The following RASEF variants were observed in gnomAD, a reference collection of about 807,000 sequenced individuals.
RASEF encodes the protein ras and EF-hand domain-containing protein.
In RASEF, 68 loss-of-function variants were observed where a neutral mutation model predicts 90.1. The observed-to-expected ratio is 0.75, with a 90% CI of 0.62 to 0.92. RASEF has a LOEUF of 0.92. RASEF is among the 40% of genes least tolerant of loss of function. The pLI is 0.00. For synonymous variants in RASEF, 331 were observed against 345.2 expected, an observed-to-expected ratio of 0.96 and a Z score of 0.46; for missense variants, 949 against 937.2, an observed-to-expected ratio of 1.01 and a Z score of -0.16.
At chr9:83,185,414 T>G in the RASEF span, among the ~76,000 whole-genome samples, 4 of 151,532 alleles carry the variant, frequency 2.6e-5, no homozygotes, top group African/African-American at 9.7e-5. Context: ...CTCAAACTCC[T>G]GGGCTCAAGT....
chr9:83,048,797 A>T, intron 1 of RASEF: 1 of 963,202 alleles, frequency 1.0e-6, no homozygotes, highest in South Asian at 4.8e-5. Flanking sequence ...TCCCATTAGA[A>T]TATTTCTCAT....
At chr9:83,161,403 T>C in the RASEF span, among the ~76,000 whole-genome samples, 1 of 149,758 alleles carries the variant, frequency 6.7e-6, no homozygotes, top group South Asian at 2.1e-4. Flanking sequence ...GGTTTCAGAC[T>C]TGCATGGGGC....
chr9:83,164,060 G>A, the RASEF span, among the ~76,000 whole-genome samples: 1 of 148,878 alleles, frequency 6.7e-6, no homozygotes. Context: ...CAAAAATGAA[G>A]GAGAAATAAA....
intron 1 of RASEF, chr9:83,049,202 G>T: frequency 2.1e-6 from 1 of 480,750 alleles, no homozygotes; most frequent in Non-Finnish European, 2.7e-6. Context: ...ACTTAACTAT[G>T]AACAAACATA....
At chr9:83,213,093 T>TAAAA in the RASEF span, among the ~76,000 whole-genome samples, 10 of 145,838 alleles carry the variant, frequency 6.9e-5, no homozygotes, top group African/African-American at 1.7e-4. Flanking sequence ...GCACACGTTT[T>TAAAA]AAAAAAAAAA....
In RASEF at chr9:83,013,903, C is replaced by T. The variant is rs138244191; in HGVS notation, c.766-1392G>A. Reference sequence around the variant, plus strand: ...ATTTTATAGATCAGAAACTAAAAATCAGAAAGATGATGTGAACTATCCGAG... The same window carrying T: ...ATTTTATAGATCAGAAACTAAAAATTAGAAAGATGATGTGAACTATCCGAG... On this transcript the variant is annotated intron_variant, in intron 4 of 16. Coordinates refer to ENST00000376447, the MANE Select transcript of RASEF (RefSeq NM_152573.4). 5.2e-3 allele frequency among the ~76,000 whole-genome samples: 785 copies of T among 152,236 alleles called. 10 individuals are homozygous for T. Among genetic ancestry groups the T allele is most frequent in the African/African-American group, 0.018 (729 of 41,540 alleles).
the RASEF span, among the ~76,000 whole-genome samples, chr9:83,163,663 A>T: frequency 6.6e-6 from 1 of 152,170 alleles, no homozygotes; most frequent in Admixed American, 6.5e-5. Context: ...ATGCTTCCAA[A>T]ACTGAACATC....
chr9:83,059,901 C>A (rs1333740763), intron 1 of RASEF, among the ~76,000 whole-genome samples: 1 of 152,168 alleles, frequency 6.6e-6, no homozygotes, highest in Non-Finnish European at 1.5e-5. Context: ...TCAACAATGA[C>A]ACATATCCCA....
the RASEF span, among the ~76,000 whole-genome samples, chr9:83,144,388 AAAGGAAAGAAAG>A: frequency 2.8e-3 from 116 of 41,192 alleles, 2 homozygotes; most frequent in African/African-American, 0.017. Context: ...AGAAAGAAAG[AAAGGAAAGAAAG>A]AAAGAAAGAA....
rs760106532 is a variant in RASEF at position 83,012,459 on chromosome 9, T to C, written c.818A>G (p.Lys273Arg). ...VSQKEDVAAL[K>R]KQIYDLSMEN... ...CATTGATAAATCATAAATTTGTTTT[T>C]TCAATGCAGCCACATCTTCCTTTTG... The change falls in exon 5 of 17, where the codon AAA (lysine) becomes AGA (arginine). Residue 273 changes from lysine to arginine, a missense_variant. Transcript: ENST00000376447. The C allele has an allele frequency of 6.3e-7, 1 of 1,586,472 alleles. No individual in the cohort carries two copies. The highest frequency in any genetic ancestry group is 8.6e-7 in the Non-Finnish European group (1 of 1,165,972).
the RASEF span, among the ~76,000 whole-genome samples, chr9:83,191,096 A>G: frequency 6.6e-6 from 1 of 152,320 alleles, no homozygotes; most frequent in South Asian, 2.1e-4. Context: ...TTTAGCACTT[A>G]AGGCCAAACA....
At chr9:83,156,942 T>G in the RASEF span, among the ~76,000 whole-genome samples, 2 of 152,234 alleles carry the variant, frequency 1.3e-5, no homozygotes, top group African/African-American at 4.8e-5. Flanking sequence ...AATTCATCTC[T>G]CTTTCCCCAA....
Position 83,062,726 on chromosome 9 carries a change from C to A in RASEF, c.142G>T (p.Glu48Ter). 6.4e-7 allele frequency: 1 copy of A among 1,572,370 alleles called. No individual in the cohort carries two copies. ...TELRVRPADA[E>*]AVFQRLDADR... is the part of the protein sequence containing the mutation. Reference sequence around the variant, plus strand: ...GCGTCCAGCCGCTGGAATACTGCCTCGGCGTCGGCCGGCCGCACCCGCAGC... The same window carrying A: ...GCGTCCAGCCGCTGGAATACTGCCTAGGCGTCGGCCGGCCGCACCCGCAGC... The change falls in exon 1 of 17, where the codon GAG becomes TAG. Residue 48 changes from glutamate to a stop codon, truncating the protein, a stop_gained. Coordinates refer to ENST00000376447, the MANE Select transcript of RASEF (RefSeq NM_152573.4). LOFTEE classifies it high-confidence loss of function.
At chr9:83,009,843 C>T in intron 5 of RASEF, 87 bp from the exon 6 acceptor site, 2 of 699,218 alleles carry the variant, frequency 2.9e-6, no homozygotes, top group Admixed American at 2.2e-5. Flanking sequence ...CACCCTCCCA[C>T]ACCACTCTCA....
the RASEF span, among the ~76,000 whole-genome samples, chr9:83,169,230 A>G: frequency 6.6e-6 from 1 of 151,778 alleles, no homozygotes; most frequent in Non-Finnish European, 1.5e-5. Flanking sequence ...TATAAACCAA[A>G]TTTTCTTTAT....
chr9:83,154,377 T>C, the RASEF span, among the ~76,000 whole-genome samples: 1 of 152,218 alleles, frequency 6.6e-6, no homozygotes, highest in African/African-American at 2.4e-5. Context: ...CAAACCTTTC[T>C]AGAACCCTTT....
At chr9:83,163,451 T>G in the RASEF span, among the ~76,000 whole-genome samples, 8 of 152,262 alleles carry the variant, frequency 5.3e-5, no homozygotes, top group African/African-American at 1.7e-4. Context: ...CAACAATGAT[T>G]AATATGATAA....
At chr9:83,055,351 T>A in intron 1 of RASEF, 1 of 432,532 alleles carries the variant, frequency 2.3e-6, no homozygotes, top group African/African-American at 2.1e-5. Context: ...GAAAGGGAAC[T>A]CCCTGACCCC....
At chr9:83,046,294 CT>C (rs1829928604) in intron 1 of RASEF, among the ~76,000 whole-genome samples, 1 of 152,074 alleles carries the variant, frequency 6.6e-6, no homozygotes, top group South Asian at 2.1e-4. Context: ...ACTTTTTTTA[CT>C]GTGCTAGTAT....
Sources: gnomAD v4.1 joint callset for allele counts (sites outside exome capture counted in the v4.1 genomes callset) on GRCh38, gnomAD v4.1.1 for gene constraint, MANE v1.5 for transcripts, NCBI Gene and HGNC (gene_info 2026-07-23, HGNC 2026-07-21) for gene names.